The following LTBP1 variants were observed in gnomAD, a reference collection of about 807,000 sequenced individuals.
LTBP1 encodes latent-transforming growth factor beta-binding protein 1.
Under a neutral mutation model 207.6 loss-of-function variants are expected in LTBP1, and 129 were observed. The observed-to-expected ratio is 0.62, with a 90% CI of 0.54 to 0.72. LTBP1 has a LOEUF of 0.72. LTBP1 is among the 30% of genes least tolerant of loss of function. The probability of loss-of-function intolerance (pLI) is 0.00; values close to 1 mark genes in which losing one functional copy is unlikely to be tolerated. For missense variants in LTBP1, 2,281 were observed against 2,217.2 expected, an observed-to-expected ratio of 1.03 and a Z score of -0.58; for synonymous variants, 963 against 833.7, an observed-to-expected ratio of 1.16 and a Z score of -2.67.
intron 9 of LTBP1, among the ~76,000 whole-genome samples, chr2:33,242,449 A>G (rs531445102): frequency 1.4e-4 from 21 of 152,170 alleles, no homozygotes; most frequent in African/African-American, 4.3e-4. Flanking sequence ...GTATTTCTGA[A>G]TCTTCTGCTG....
intron 3 of LTBP1, among the ~76,000 whole-genome samples, chr2:33,048,253 G>A (rs916796834): frequency 6.6e-6 from 1 of 152,196 alleles, no homozygotes; most frequent in Non-Finnish European, 1.5e-5. Context: ...AAGGAGCTGT[G>A]TGACTGTAAC....
rs1236511801 is a variant in LTBP1 at position 32,981,050 on chromosome 2, A to T, written c.565+32105A>T. Among the ~76,000 whole-genome samples, 8 of 152,140 alleles carry T rather than the reference A, an allele frequency of 5.3e-5. No individual in the cohort carries two copies. The East Asian group carries it at 1.5e-3, about 29-fold the overall frequency. ...GGGAATTTGATTATTCAATGCTTTG[A>T]GGTCATCTTTGGGTTAAATCTGCTT... On this transcript the variant is annotated intron_variant, in intron 2 of 33. Coordinates refer to ENST00000404816, the MANE Select transcript of LTBP1 (RefSeq NM_206943.4).
At chr2:33,003,075 C>T (rs1222378977) in intron 2 of LTBP1, among the ~76,000 whole-genome samples, 1 of 152,184 alleles carries the variant, frequency 6.6e-6, no homozygotes, top group Non-Finnish European at 1.5e-5. Context: ...TTCCTGAGTT[C>T]CAGACTTTGT....
intron 24 of LTBP1, 104 bp downstream of exon 24, chr2:33,315,373 C>G (rs868183640): frequency 1.4e-6 from 2 of 1,419,020 alleles, no homozygotes; most frequent in Middle Eastern, 2.0e-4. Context: ...CTGCATAATT[C>G]AGAGCCTCAA....
rs568129480 is a variant in LTBP1 at position 33,183,077 on chromosome 2, C to A, written c.1202-3779C>A. On this transcript the variant is annotated intron_variant, in intron 5 of 33. Transcript: ENST00000404816. ...ACTGATGATATAGAGTATTTCTTTTCTTTTGTGTACTGTCGTACTCCTTTT... is the reference window on the plus strand; with the variant it reads ...ACTGATGATATAGAGTATTTCTTTTATTTTGTGTACTGTCGTACTCCTTTT... Among the ~76,000 whole-genome samples, 8 of 152,130 alleles carry A rather than the reference C, an allele frequency of 5.3e-5. No individual in the cohort carries two copies. In the South Asian group the frequency reaches 1.2e-3, roughly 24 times the overall value.
intron 22 of LTBP1, among the ~76,000 whole-genome samples, chr2:33,304,259 C>T (rs1480679099): frequency 6.6e-6 from 1 of 152,164 alleles, no homozygotes; most frequent in Non-Finnish European, 1.5e-5. Context: ...TAATTTAGAG[C>T]TCCCTTTGAA....
intron 2 of LTBP1, among the ~76,000 whole-genome samples, chr2:33,004,962 A>G (rs1463499030): frequency 1.3e-5 from 2 of 151,886 alleles, no homozygotes; most frequent in African/African-American, 4.8e-5. Flanking sequence ...AAATGCATGG[A>G]TATGGAGGCC....
intron 2 of LTBP1, among the ~76,000 whole-genome samples, chr2:33,017,346 G>T (rs977708124): frequency 6.6e-6 from 1 of 152,196 alleles, no homozygotes; most frequent in South Asian, 2.1e-4. Flanking sequence ...TCCAGATGTT[G>T]TGTGTCAGTG....
At chr2:33,077,802 C>A (rs1027076030) in intron 3 of LTBP1, among the ~76,000 whole-genome samples, 1 of 152,112 alleles carries the variant, frequency 6.6e-6, no homozygotes, top group Non-Finnish European at 1.5e-5. Flanking sequence ...AAAGAAAAAT[C>A]CTGTTGAAAT....
chr2:33,143,006 C>T (rs113248400), intron 5 of LTBP1, among the ~76,000 whole-genome samples: 10 of 152,308 alleles, frequency 6.6e-5, no homozygotes, highest in South Asian at 2.1e-4. Flanking sequence ...CCTGGCTCCA[C>T]GGCATTCACT....
intron 32 of LTBP1, among the ~76,000 whole-genome samples, chr2:33,396,335 C>G (rs2095357969): frequency 6.6e-6 from 1 of 152,122 alleles, no homozygotes; most frequent in African/African-American, 2.4e-5. Flanking sequence ...ATTCTTCTGC[C>G]TCAGCCTCCC....
At chr2:33,308,879 T>C (rs988989801) in intron 22 of LTBP1, among the ~76,000 whole-genome samples, 1 of 152,198 alleles carries the variant, frequency 6.6e-6, no homozygotes, top group Non-Finnish European at 1.5e-5. Flanking sequence ...ATAAGTATTT[T>C]TGAAATATTT....
At chr2:33,296,700 T>C (rs952407602) in intron 20 of LTBP1, among the ~76,000 whole-genome samples, 1 of 152,046 alleles carries the variant, frequency 6.6e-6, no homozygotes, top group African/African-American at 2.4e-5. Flanking sequence ...GATTATAATA[T>C]ATATATAATG....
intron 4 of LTBP1, among the ~76,000 whole-genome samples, chr2:33,111,710 T>C (rs191168276): frequency 6.6e-6 from 1 of 152,302 alleles, no homozygotes; most frequent in Admixed American, 6.5e-5. Flanking sequence ...AAAAAGAGTA[T>C]CTAACAGCAG....
intron 19 of LTBP1, among the ~76,000 whole-genome samples, chr2:33,287,761 G>T (rs909746463): frequency 6.6e-6 from 1 of 152,206 alleles, no homozygotes; most frequent in Non-Finnish European, 1.5e-5. Context: ...ACAAATGTTT[G>T]TCAGCAGCTC....
intron 5 of LTBP1, among the ~76,000 whole-genome samples, chr2:33,175,825 TA>T (rs35218436): frequency 0.54 from 78,920 of 147,256 alleles, 21,427 homozygotes; most frequent in Middle Eastern, 0.61. Context: ...TATGCAGCCA[TA>T]AAAAAATGAT....
chr2:33,234,560 A>G (rs931707777), intron 9 of LTBP1, among the ~76,000 whole-genome samples: 6 of 152,174 alleles, frequency 3.9e-5, no homozygotes, highest in African/African-American at 1.4e-4. Flanking sequence ...CCACTGCTCA[A>G]AGAAATAAGA....
At chr2:33,064,275 A>T (rs538938646) in intron 3 of LTBP1, among the ~76,000 whole-genome samples, 1 of 152,224 alleles carries the variant, frequency 6.6e-6, no homozygotes, top group South Asian at 2.1e-4. Flanking sequence ...CAAAATTTCA[A>T]AATTCACACA....
chr2:33,260,888 A>C lies in LTBP1; in HGVS notation c.2418+1278A>C, dbSNP rs35667830. On this transcript the variant is annotated intron_variant, in intron 13 of 33. Coordinates refer to ENST00000404816, the MANE Select transcript of LTBP1 (RefSeq NM_206943.4). ...TTGAATTTAATAACTCTCATTAAAAATCTAAAAAACCCCCAAAATTTTCTT... is the reference window on the plus strand; with the variant it reads ...TTGAATTTAATAACTCTCATTAAAACTCTAAAAAACCCCCAAAATTTTCTT... 9.9e-3 allele frequency among the ~76,000 whole-genome samples: 1,503 copies of C among 152,320 alleles called. 18 individuals are homozygous for C. The highest frequency in any genetic ancestry group is 0.034 in the African/African-American group (1,413 of 41,572).
Sources: gnomAD v4.1 joint callset for allele counts (sites outside exome capture counted in the v4.1 genomes callset) on GRCh38, gnomAD v4.1.1 for gene constraint, MANE v1.5 for transcripts, NCBI Gene and HGNC (gene_info 2026-07-23, HGNC 2026-07-21) for gene names.